Variants in CHODL observed in about 807,000 individuals in gnomAD.
The protein encoded by CHODL is transmembrane protein MT75.
A neutral mutation model predicts 34.5 loss-of-function variants in CHODL; 29 were observed. The observed-to-expected ratio is 0.84, with a 90% CI of 0.63 to 1.15. CHODL has a LOEUF of 1.15. CHODL is among the 50% of genes most tolerant of loss of function. CHODL has a pLI of 0.00. For synonymous variants in CHODL, 125 were observed against 116.1 expected (o/e 1.08, Z -0.49); for missense variants, 332 against 332.5 (o/e 1.00, Z 0.01).
At chr21:18,044,331 G>T (rs2064414275) in intron 2 of CHODL, among the ~76,000 whole-genome samples, 1 of 151,948 alleles carries the variant, frequency 6.6e-6, no homozygotes, top group Admixed American at 6.6e-5. Flanking sequence ...AAATAGTGAA[G>T]TTCATGCTAA....
chr21:17,925,272 G>T (rs145041191), intron 1 of CHODL, among the ~76,000 whole-genome samples: 2 of 152,300 alleles, frequency 1.3e-5, no homozygotes, highest in East Asian at 3.9e-4. Context: ...CATGAAAGTT[G>T]ACTCTCAGTT....
intron 2 of CHODL, among the ~76,000 whole-genome samples, chr21:18,061,549 C>T (rs2064665763): frequency 8.6e-6 from 1 of 116,270 alleles, no homozygotes; most frequent in Non-Finnish European, 2.0e-5. Context: ...AATAATGTCT[C>T]AAAGACAATC....
intron 2 of CHODL, among the ~76,000 whole-genome samples, chr21:18,237,636 GA>G (rs1288515081): frequency 6.6e-6 from 1 of 152,068 alleles, no homozygotes; most frequent in African/African-American, 2.4e-5. Flanking sequence ...GTAGACAGGG[GA>G]AAAATCTTTA....
intron 2 of CHODL, among the ~76,000 whole-genome samples, chr21:18,040,061 G>T (rs1371532091): frequency 6.6e-6 from 1 of 151,714 alleles, no homozygotes; most frequent in East Asian, 1.9e-4. Context: ...TCTTTCAAAA[G>T]AAATATGTTA....
chr21:18,109,373 C>T (rs1311143398), intron 2 of CHODL, among the ~76,000 whole-genome samples: 1 of 151,876 alleles, frequency 6.6e-6, no homozygotes, highest in Admixed American at 6.6e-5. Flanking sequence ...ATCTAATCAC[C>T]ATGGGGCTGC....
intron 2 of CHODL, among the ~76,000 whole-genome samples, chr21:18,050,095 A>G (rs1453256157): frequency 6.6e-6 from 1 of 151,954 alleles, no homozygotes; most frequent in African/African-American, 2.4e-5. Flanking sequence ...TGAAAAGAGT[A>G]TGTGGTGGAG....
chr21:18,251,024 A>G (rs1415023288), intron 1 of CHODL, among the ~76,000 whole-genome samples: 3 of 151,640 alleles, frequency 2.0e-5, no homozygotes, highest in Admixed American at 1.3e-4. Context: ...TAACTAACTG[A>G]GCACTCAACT....
Position 18,128,647 on chromosome 21 carries a change from G to A in CHODL, c.-45+100676G>A, listed in dbSNP as rs375089169. On this transcript the variant is annotated intron_variant, in intron 2 of 6. Coordinates refer to the CHODL transcript ENST00000400127. ...TTCAGTAAAATGATCAATAAAATGT[G>A]TAATTTACATATCAGAATACATTCT... 4.9e-4 allele frequency among the ~76,000 whole-genome samples: 75 copies of A among 152,188 alleles called. 1 individual carries two copies. The South Asian group carries it at 0.013, about 27-fold the overall frequency.
At chr21:18,230,230 A>G (rs947370741) in intron 2 of CHODL, among the ~76,000 whole-genome samples, 2 of 152,104 alleles carry the variant, frequency 1.3e-5, no homozygotes, top group African/African-American at 4.8e-5. Flanking sequence ...TTGCTAAAAA[A>G]TTTCTTGCTG....
intron 1 of CHODL, among the ~76,000 whole-genome samples, chr21:18,252,173 A>G (rs968804938): frequency 4.6e-5 from 7 of 152,112 alleles, no homozygotes; most frequent in African/African-American, 1.7e-4. Flanking sequence ...TCAATTGCAG[A>G]TGCTAGTTGA....
intron 2 of CHODL, among the ~76,000 whole-genome samples, chr21:18,208,158 A>C (rs538926974): frequency 7.1e-6 from 1 of 140,144 alleles, no homozygotes; most frequent in Admixed American, 7.0e-5. Context: ...CATTCTTTTT[A>C]ATTCTTCTTC....
intron 1 of CHODL, among the ~76,000 whole-genome samples, chr21:17,976,397 G>A (rs946618318): frequency 3.8e-4 from 57 of 150,780 alleles, no homozygotes; most frequent in Non-Finnish European, 3.1e-4. Context: ...GAATCATAAT[G>A]TGTCATTCTA....
chr21:18,004,832 C>CAA (rs66656507), intron 1 of CHODL, among the ~76,000 whole-genome samples: 36 of 129,552 alleles, frequency 2.8e-4, no homozygotes, highest in Middle Eastern at 4.1e-3. Flanking sequence ...TAAAAAATTG[C>CAA]AAAAAAAAAA....
At chr21:18,111,148 C>G (rs1413886776) in intron 2 of CHODL, among the ~76,000 whole-genome samples, 2 of 152,152 alleles carry the variant, frequency 1.3e-5, no homozygotes, top group Non-Finnish European at 2.9e-5. Flanking sequence ...ATTTCTGCAA[C>G]AGGACATACA....
At chr21:18,145,140 A>G (rs538005323) in intron 2 of CHODL, among the ~76,000 whole-genome samples, 2 of 151,324 alleles carry the variant, frequency 1.3e-5, no homozygotes, top group Non-Finnish European at 3.0e-5. Flanking sequence ...TCTGCTCATT[A>G]GAAAGTGGCA....
chr21:18,241,917 T>C (rs1335755948), upstream of CHODL, among the ~76,000 whole-genome samples: 1 of 152,164 alleles, frequency 6.6e-6, no homozygotes, highest in Non-Finnish European at 1.5e-5. Context: ...ATTTGGGGGC[T>C]TGAAGAAAGT....
intron 2 of CHODL, among the ~76,000 whole-genome samples, chr21:18,112,577 A>C (rs1346349742): frequency 6.6e-6 from 1 of 152,216 alleles, no homozygotes; most frequent in Non-Finnish European, 1.5e-5. Context: ...ACATAGACCA[A>C]TGGAACAGAA....
At chr21:18,253,821 C>T (rs1288561253) in intron 1 of CHODL, among the ~76,000 whole-genome samples, 1 of 152,040 alleles carries the variant, frequency 6.6e-6, no homozygotes, top group Admixed American at 6.6e-5. Flanking sequence ...ATTTGGGCAG[C>T]CTGTTAATTT....
At chr21:18,145,590 G>A (rs2072874417) in intron 2 of CHODL, among the ~76,000 whole-genome samples, 1 of 152,074 alleles carries the variant, frequency 6.6e-6, no homozygotes, top group Non-Finnish European at 1.5e-5. Context: ...TTAAAATGAG[G>A]CAATAACCTG....
Sources: allele counts gnomAD v4.1 joint callset (sites outside exome capture counted in the v4.1 genomes callset), GRCh38; gene constraint gnomAD v4.1.1; transcripts MANE v1.5; gene names NCBI Gene and HGNC (gene_info 2026-07-23, HGNC 2026-07-21).